Variants in ACCSL observed in about 807,000 individuals in gnomAD.
ACCSL encodes 1-aminocyclopropane-1-carboxylate synthase homolog (inactive) like, also known as probable inactive 1-aminocyclopropane-1-carboxylate synthase-like protein 2.
In ACCSL, 55 loss-of-function variants were observed where a neutral mutation model predicts 61.7. That is an observed-to-expected ratio of 0.89 (90% CI 0.72 to 1.12). The LOEUF is 1.12. Ranked by LOEUF, ACCSL falls within the 50% of genes most tolerant of loss-of-function variation. ACCSL has a pLI of 0.00. For synonymous variants in ACCSL, 258 were observed against 264.3 expected, an observed-to-expected ratio of 0.98 and a Z score of 0.23; for missense variants, 632 against 698.0, an observed-to-expected ratio of 0.91 and a Z score of 1.07.
chr11:43,938,740 T>C, the ACCSL span, among the ~76,000 whole-genome samples: 4 of 151,874 alleles, frequency 2.6e-5, no homozygotes, highest in East Asian at 7.8e-4. Flanking sequence ...GAGGCAGAGG[T>C]GCAGTGAACC....
the ACCSL span, among the ~76,000 whole-genome samples, chr11:44,037,879 C>G: frequency 6.6e-6 from 1 of 151,386 alleles, no homozygotes. Flanking sequence ...ATGCATCCAT[C>G]CATCCATCCA....
rs1038227265 is a variant in ACCSL, at chr11:44,052,989, A to G, written c.871-2A>G. 1.2e-6 allele frequency: 2 copies of G among 1,613,358 alleles called. No homozygotes were observed. The highest frequency in any genetic ancestry group is 2.7e-5 in the African/African-American group (2 of 74,912). On this transcript the variant is annotated splice_acceptor_variant, in intron 6 of 13. Transcript: ENST00000378832. LOFTEE classifies it high-confidence loss of function. ...ACTTCTCACATAGTGTTTCTCTTCCAGGTCACTGTTACAAACACCCATCCT... is the reference window on the plus strand; with the variant it reads ...ACTTCTCACATAGTGTTTCTCTTCCGGGTCACTGTTACAAACACCCATCCT...
the ACCSL span, among the ~76,000 whole-genome samples, chr11:44,041,902 G>C: frequency 6.6e-6 from 1 of 152,104 alleles, no homozygotes; most frequent in Admixed American, 6.5e-5. Flanking sequence ...TAAAGAATGG[G>C]TGCTGAATTT....
the ACCSL span, among the ~76,000 whole-genome samples, chr11:43,968,971 G>A: frequency 6.6e-6 from 1 of 151,912 alleles, no homozygotes; most frequent in South Asian, 2.1e-4. Flanking sequence ...ACTGCCTACT[G>A]CCCTTAGATT....
At chr11:44,045,678 C>A (rs1952593824), upstream of ACCSL, among the ~76,000 whole-genome samples, 1 of 152,102 alleles carries the variant, frequency 6.6e-6, no homozygotes, top group Non-Finnish European at 1.5e-5. Flanking sequence ...CGGCTGAGTG[C>A]TTGGTATATG....
the ACCSL span, among the ~76,000 whole-genome samples, chr11:43,932,298 C>T: frequency 6.6e-6 from 1 of 152,208 alleles, no homozygotes; most frequent in East Asian, 1.9e-4. Context: ...GACAGGGTCT[C>T]ATTCTGTCAC....
At chr11:43,967,646 G>A in the ACCSL span, among the ~76,000 whole-genome samples, 2 of 152,108 alleles carry the variant, frequency 1.3e-5, no homozygotes, top group African/African-American at 4.8e-5. Flanking sequence ...TCCATTCCAT[G>A]ATAACATTTT....
At chr11:44,035,267 T>C in the ACCSL span, among the ~76,000 whole-genome samples, 5 of 152,054 alleles carry the variant, frequency 3.3e-5, no homozygotes, top group Admixed American at 2.0e-4. Flanking sequence ...AAGAGGGTTG[T>C]GTCTGTCTCG....
chr11:43,941,345 G>A, the ACCSL span, among the ~76,000 whole-genome samples: 2 of 152,192 alleles, frequency 1.3e-5, no homozygotes, highest in African/African-American at 4.8e-5. Context: ...TGAGGGCCAG[G>A]ACTGTACCTT....
the ACCSL span, among the ~76,000 whole-genome samples, chr11:44,021,291 G>GT: frequency 6.6e-6 from 1 of 151,978 alleles, no homozygotes; most frequent in African/African-American, 2.4e-5. Context: ...ATTATGTTTT[G>GT]ATTTTTTATT....
the ACCSL span, among the ~76,000 whole-genome samples, chr11:44,014,094 C>T: frequency 1.3e-5 from 2 of 152,224 alleles, no homozygotes; most frequent in Non-Finnish European, 2.9e-5. Context: ...GTGCTGCCAG[C>T]AGTGGGGTTG....
At chr11:43,937,251 C>A in the ACCSL span, among the ~76,000 whole-genome samples, 1 of 152,160 alleles carries the variant, frequency 6.6e-6, no homozygotes, top group Non-Finnish European at 1.5e-5. Flanking sequence ...ACAATGACCA[C>A]CTAGTGGGGA....
chr11:44,027,182 G>A, the ACCSL span, among the ~76,000 whole-genome samples: 2 of 152,248 alleles, frequency 1.3e-5, no homozygotes, highest in Non-Finnish European at 2.9e-5. Flanking sequence ...TGTGTTCATT[G>A]GGGCATGTCT....
chr11:43,923,956 G>A, the ACCSL span, among the ~76,000 whole-genome samples: 2 of 152,168 alleles, frequency 1.3e-5, no homozygotes, highest in East Asian at 1.9e-4. Context: ...GTGATGTCAC[G>A]CTCTCTCAGC....
At chr11:43,953,353 C>G in the ACCSL span, among the ~76,000 whole-genome samples, 1 of 151,928 alleles carries the variant, frequency 6.6e-6, no homozygotes, top group South Asian at 2.1e-4. Flanking sequence ...GAAACCCCAT[C>G]TCTACTAAAA....
chr11:44,055,670 G>T (rs960039213), intron 9 of ACCSL, among the ~76,000 whole-genome samples: 1 of 152,218 alleles, frequency 6.6e-6, no homozygotes, highest in African/African-American at 2.4e-5. Flanking sequence ...GGAAATGCCT[G>T]GCAGAAGGAA....
chr11:43,983,491 C>T, the ACCSL span, among the ~76,000 whole-genome samples: 4 of 152,010 alleles, frequency 2.6e-5, no homozygotes, highest in Non-Finnish European at 2.9e-5. Flanking sequence ...AGGGTAGGAA[C>T]GAAATTGGTG....
At chr11:43,937,337 A>G in the ACCSL span, among the ~76,000 whole-genome samples, 1 of 152,226 alleles carries the variant, frequency 6.6e-6, no homozygotes, top group African/African-American at 2.4e-5. Flanking sequence ...AAAGGGGGAC[A>G]GAGAGACTGA....
At chr11:43,991,078 A>T in the ACCSL span, among the ~76,000 whole-genome samples, 2 of 138,996 alleles carry the variant, frequency 1.4e-5, no homozygotes, top group African/African-American at 6.0e-5. Flanking sequence ...CTCAAAAAAG[A>T]AAAAAAAAAA....
Sources: gnomAD v4.1 joint callset for allele counts (sites outside exome capture counted in the v4.1 genomes callset) on GRCh38, gnomAD v4.1.1 for gene constraint, MANE v1.5 for transcripts, NCBI Gene and HGNC (gene_info 2026-07-23, HGNC 2026-07-21) for gene names.